Variants in IL1R1 observed in about 807,000 individuals in gnomAD.
IL1R1 encodes interleukin 1 receptor type 1.
In IL1R1, 22 loss-of-function variants were observed where a neutral mutation model predicts 50.2. That is an observed-to-expected ratio of 0.44 (90% CI 0.31 to 0.63). The LOEUF (loss-of-function observed/expected upper bound fraction) is 0.63, where lower values mean the gene tolerates loss of function less well. Among genes scored for constraint, IL1R1 ranks in the 20% least tolerant of loss-of-function variants. The pLI, the probability that IL1R1 is intolerant of heterozygous loss-of-function variation, is 0.07. For synonymous variants in IL1R1, 251 were observed against 236.7 expected, an observed-to-expected ratio of 1.06 and a Z score of -0.55; for missense variants, 509 against 676.2, an observed-to-expected ratio of 0.75 and a Z score of 2.74.
At chr2:102,152,977 A>G (rs1248154661) in intron 1 of IL1R1, among the ~76,000 whole-genome samples, 4 of 136,910 alleles carry the variant, frequency 2.9e-5, no homozygotes, top group African/African-American at 1.0e-4. Context: ...GCCCAAAGAA[A>G]TGATTCAGAC....
At chr2:102,126,623 T>G (rs963864217) in intron 1 of IL1R1, among the ~76,000 whole-genome samples, 5 of 152,074 alleles carry the variant, frequency 3.3e-5, no homozygotes, top group Non-Finnish European at 5.9e-5. Flanking sequence ...GAGGACAATT[T>G]GTTGTGCTGT....
intron 1 of IL1R1, among the ~76,000 whole-genome samples, chr2:102,080,131 T>C (rs1679143125): frequency 6.6e-6 from 1 of 152,150 alleles, no homozygotes; most frequent in Admixed American, 6.5e-5. Flanking sequence ...ACTGCAAAAC[T>C]CTTAGAAGGA....
chr2:102,168,576 C>G (rs201863057), intron 6 of IL1R1, 22 bp from the exon 7 acceptor site: 643 of 1,603,866 alleles, frequency 4.0e-4, no homozygotes, highest in South Asian at 4.8e-4. Flanking sequence ...ACTGACAAAC[C>G]TTATGGATGT....
upstream of IL1R1, among the ~76,000 whole-genome samples, chr2:102,138,055 C>T (rs564825438): frequency 2.0e-5 from 3 of 152,268 alleles, no homozygotes; most frequent in Admixed American, 6.5e-5. Flanking sequence ...ATTCTTCCTA[C>T]ATGTCTGGCA....
Position 102,109,482 on chromosome 2 carries a change from T to C in IL1R1, c.-84+4610T>C, listed in dbSNP as rs1577864801. Among the ~76,000 whole-genome samples the C allele has an allele frequency of 2.6e-5, 4 of 152,356 alleles. No individual in the cohort carries two copies. In the South Asian group the frequency reaches 8.3e-4, roughly 32 times the overall value. On this transcript the variant is annotated intron_variant, in intron 1 of 10. Coordinates refer to the IL1R1 transcript ENST00000409329. Reference sequence around the variant, plus strand: ...GCCTGCACCAAGTCTGTCTGCCTTCTGAGTCCATGTGCCACACTGGCCTGG... The same window carrying C: ...GCCTGCACCAAGTCTGTCTGCCTTCCGAGTCCATGTGCCACACTGGCCTGG...
At chr2:102,149,484 G>C (rs1683459503) in intron 1 of IL1R1, among the ~76,000 whole-genome samples, 1 of 152,216 alleles carries the variant, frequency 6.6e-6, no homozygotes, top group African/African-American at 2.4e-5. Flanking sequence ...CTGCTCTGCA[G>C]CTTGGCCAGA....
chr2:102,133,055 T>G (rs575330390), intron 1 of IL1R1, among the ~76,000 whole-genome samples: 1 of 151,718 alleles, frequency 6.6e-6, no homozygotes, highest in South Asian at 2.1e-4. Flanking sequence ...CCATCCTGGC[T>G]AACACGGTGA....
intron 1 of IL1R1, among the ~76,000 whole-genome samples, chr2:102,146,578 C>T (rs1334199364): frequency 1.3e-5 from 2 of 152,146 alleles, no homozygotes; most frequent in African/African-American, 2.4e-5. Context: ...GGATGAATGA[C>T]TCTCGGTTAA....
chr2:102,129,816 A>C (rs7588201), intron 1 of IL1R1, among the ~76,000 whole-genome samples: 59,136 of 151,982 alleles, frequency 0.39, 12,796 homozygotes, highest in African/African-American at 0.59. Flanking sequence ...GTCTAAAGAC[A>C]CCTTCGTACT....
intron 3 of IL1R1, among the ~76,000 whole-genome samples, chr2:102,162,236 A>C (rs1442683325): frequency 6.6e-6 from 1 of 152,104 alleles, no homozygotes; most frequent in Non-Finnish European, 1.5e-5. Context: ...TAGCCTGGCA[A>C]ATATTTTTCT....
Position 102,165,111 on chromosome 2 carries a change from T to G in IL1R1, c.297-4T>G. The G allele has an allele frequency of 6.4e-7, 1 of 1,564,528 alleles. No homozygotes were observed. Among genetic ancestry groups the G allele is most frequent in the Non-Finnish European group, 8.6e-7 (1 of 1,157,838 alleles). The stretch of plus-strand genomic sequence containing the variant: ...CTTAACTTACCTATTTTATTTTATT[T>G]TAGAAATTCATCTTACTGCCTCAGA... On this transcript the variant is annotated splice_region_variant and splice_polypyrimidine_tract_variant and intron_variant, in intron 4 of 11. Coordinates refer to ENST00000410023, the MANE Select transcript of IL1R1 (RefSeq NM_000877.4).
chr2:102,076,492 C>A (rs927668187), intron 1 of IL1R1, among the ~76,000 whole-genome samples: 2 of 152,178 alleles, frequency 1.3e-5, no homozygotes, highest in Non-Finnish European at 2.9e-5. Context: ...TCTTATAGTG[C>A]AGGTCTGCTG....
At chr2:102,086,740 A>T (rs1034116581) in intron 1 of IL1R1, among the ~76,000 whole-genome samples, 1 of 152,180 alleles carries the variant, frequency 6.6e-6, no homozygotes, top group South Asian at 2.1e-4. Flanking sequence ...TTTAAACGTT[A>T]TCTAGCCTCC....
intron 7 of IL1R1, among the ~76,000 whole-genome samples, chr2:102,169,004 A>G (rs1235822501): frequency 6.6e-6 from 1 of 152,084 alleles, no homozygotes; most frequent in Non-Finnish European, 1.5e-5. Flanking sequence ...CAGAGTTAAA[A>G]TATTTAATGA....
At chr2:102,079,369 A>T (rs1047067569) in intron 1 of IL1R1, among the ~76,000 whole-genome samples, 1 of 152,154 alleles carries the variant, frequency 6.6e-6, no homozygotes, top group Non-Finnish European at 1.5e-5. Context: ...ATCCACTAAA[A>T]ACTATTAGAC....
chr2:102,105,805 C>G (rs1001257078), intron 1 of IL1R1, among the ~76,000 whole-genome samples: 1 of 152,232 alleles, frequency 6.6e-6, no homozygotes, highest in Non-Finnish European at 1.5e-5. Flanking sequence ...TTTCTCCCCC[C>G]TTCAGAAGCT....
intron 1 of IL1R1, among the ~76,000 whole-genome samples, chr2:102,094,381 T>C (rs1368704858): frequency 6.6e-6 from 1 of 152,190 alleles, no homozygotes; most frequent in Non-Finnish European, 1.5e-5. Context: ...CTGATAGATA[T>C]GGGGTCTGAT....
chr2:102,117,083 T>C (rs1681119088), intron 1 of IL1R1, among the ~76,000 whole-genome samples: 1 of 152,228 alleles, frequency 6.6e-6, no homozygotes, highest in Non-Finnish European at 1.5e-5. Flanking sequence ...TTTTAAATAT[T>C]GGGCAACACC....
chr2:102,146,559 G>A (rs1331889716), intron 1 of IL1R1, among the ~76,000 whole-genome samples: 2 of 152,110 alleles, frequency 1.3e-5, no homozygotes, highest in Non-Finnish European at 2.9e-5. Flanking sequence ...CCATCCAAAT[G>A]CCACTGAAGG....
Sources: gnomAD v4.1 joint callset for allele counts (sites outside exome capture counted in the v4.1 genomes callset) on GRCh38, gnomAD v4.1.1 for gene constraint, MANE v1.5 for transcripts, NCBI Gene and HGNC (gene_info 2026-07-23, HGNC 2026-07-21) for gene names.